OR4K1: variants seen among roughly 807,000 people sequenced by gnomAD.
OR4K1 encodes olfactory receptor 4K1.
OR4K1 carries 16 observed loss-of-function variants against 14.4 expected under a neutral mutation model. That is an observed-to-expected ratio of 1.11 (90% CI 0.75 to 1.68). OR4K1 has a LOEUF of 1.68. Ranked by LOEUF, OR4K1 falls within the 40% of genes most tolerant of loss-of-function variation. OR4K1 has a pLI of 0.00. For synonymous variants in OR4K1, 181 were observed against 133.1 expected, an observed-to-expected ratio of 1.36 and a Z score of -2.48; for missense variants, 548 against 376.9, an observed-to-expected ratio of 1.45 and a Z score of -3.76.
intron 1 of OR4K1, among the ~76,000 whole-genome samples, chr14:19,932,966 A>ACACTTATAAATATATATTTATAG (rs1566501759): frequency 9.1e-6 from 1 of 109,808 alleles, no homozygotes; most frequent in African/African-American, 3.1e-5. Context: ...AATATTTATA[A>ACACTTATAAATATATATTTATAG]CACTTATAAA....
At chr14:19,926,635 G>A (rs567226238), upstream of OR4K1, among the ~76,000 whole-genome samples, 9 of 152,300 alleles carry the variant, frequency 5.9e-5, no homozygotes, top group African/African-American at 2.2e-4. Flanking sequence ...GTTATAGGCA[G>A]CATAAAAACT....
Position 19,934,657 on chromosome 14 carries a change from C to G in OR4K1, c.-19-991C>G, listed in dbSNP as rs184823475. On this transcript the variant is annotated intron_variant, in intron 1 of 1. Coordinates refer to ENST00000641172, the MANE Select transcript of OR4K1 (RefSeq NM_001004063.3). ...CAAATTGTTTCTATCATTTTCTTTT[C>G]TTTTTTCTTCTTTTAACATTTTTTT... Among the ~76,000 whole-genome samples the G allele has an allele frequency of 3.5e-3, 529 of 151,162 alleles. 2 individuals carry two copies. Among genetic ancestry groups the G allele is most frequent in the African/African-American group, 0.012 (490 of 40,942 alleles).
At chr14:19,922,571 C>G in the OR4K1 span, among the ~76,000 whole-genome samples, 12 of 150,788 alleles carry the variant, frequency 8.0e-5, no homozygotes, top group East Asian at 2.3e-3. Flanking sequence ...TTTGGTTTCT[C>G]TCCTTTAGGC....
At chr14:19,926,262 A>G (rs575534434), upstream of OR4K1, among the ~76,000 whole-genome samples, 8 of 152,244 alleles carry the variant, frequency 5.3e-5, no homozygotes, top group Non-Finnish European at 1.0e-4. Flanking sequence ...CTCACCCTTA[A>G]AAAGTCACAT....
chr14:19,921,429 T>C, the OR4K1 span: 57 of 1,614,068 alleles, frequency 3.5e-5, no homozygotes, highest in Non-Finnish European at 4.7e-5. Context: ...TGCCATATTT[T>C]ACACTGTTTT....
the OR4K1 span, among the ~76,000 whole-genome samples, chr14:19,923,964 A>G: frequency 3.3e-5 from 5 of 152,238 alleles, no homozygotes; most frequent in African/African-American, 9.6e-5. Context: ...ACTTTTAAGT[A>G]TTTTGAAGGT....
At chr14:19,924,044 A>C in the OR4K1 span, among the ~76,000 whole-genome samples, 14 of 152,388 alleles carry the variant, frequency 9.2e-5, no homozygotes, top group East Asian at 7.7e-4. Flanking sequence ...AATAAAAAAA[A>C]GTCAGTAGCT....
At chr14:19,930,391 G>A (rs892521407), upstream of OR4K1, among the ~76,000 whole-genome samples, 1 of 152,210 alleles carries the variant, frequency 6.6e-6, no homozygotes, top group Non-Finnish European at 1.5e-5. Flanking sequence ...GAAAAAGACT[G>A]TTGATGTATT....
chr14:19,921,129 G>C, the OR4K1 span: 1 of 1,614,164 alleles, frequency 6.2e-7, no homozygotes, highest in Non-Finnish European at 8.5e-7. Flanking sequence ...TAATGTAGTA[G>C]ACAGCTTTTT....
chr14:19,923,421 T>C, the OR4K1 span, among the ~76,000 whole-genome samples: 1 of 152,252 alleles, frequency 6.6e-6, no homozygotes, highest in Non-Finnish European at 1.5e-5. Flanking sequence ...TACAACCAGC[T>C]CGTCAGATTT....
intron 1 of OR4K1, among the ~76,000 whole-genome samples, chr14:19,934,802 G>T (rs988963161): frequency 1.3e-5 from 2 of 152,096 alleles, no homozygotes; most frequent in Admixed American, 6.5e-5. Flanking sequence ...TCCCAAGTAG[G>T]GGGGAATACA....
chr14:19,925,664 G>T, the OR4K1 span, among the ~76,000 whole-genome samples: 56 of 152,378 alleles, frequency 3.7e-4, 1 homozygote, highest in African/African-American at 1.3e-3. Context: ...CAGTCCTTCT[G>T]ACAAGGAACA....
the OR4K1 span, among the ~76,000 whole-genome samples, chr14:19,923,243 A>T: frequency 3.9e-5 from 6 of 152,106 alleles, no homozygotes; most frequent in Non-Finnish European, 8.8e-5. Context: ...TTGTTACTAG[A>T]CTCTATTCTG....
upstream of OR4K1, among the ~76,000 whole-genome samples, chr14:19,927,795 CCT>C (rs1882093223): frequency 6.6e-6 from 1 of 152,192 alleles, no homozygotes; most frequent in African/African-American, 2.4e-5. Context: ...GTGAGTTTTC[CCT>C]CTCTACCTGT....
chr14:19,934,688 G>A (rs1190577167), intron 1 of OR4K1, among the ~76,000 whole-genome samples: 1 of 129,934 alleles, frequency 7.7e-6, no homozygotes, highest in Admixed American at 7.8e-5. Context: ...TTTTTTTTTT[G>A]AGACAGAGTT....
chr14:19,927,798 C>A (rs1489697912), upstream of OR4K1, among the ~76,000 whole-genome samples: 1 of 152,244 alleles, frequency 6.6e-6, no homozygotes. Context: ...AGTTTTCCCT[C>A]TCTACCTGTA....
In OR4K1 at chr14:19,936,586, A is replaced by T. The variant is rs1252543973; in HGVS notation, c.920A>T (p.Asn307Ile). The T allele has an allele frequency of 1.2e-6, 2 of 1,600,140 alleles. No homozygotes were observed. The highest frequency in any genetic ancestry group is 1.7e-6 in the Non-Finnish European group (2 of 1,174,470). ...AMWKLRNRHV[N>I]SWKN ...TGGAAGCTGAGAAACCGTCATGTGA[A>T]CTCCTGGAAAAACTAGGGATCATTA... Residue 307 changes from asparagine (N) to isoleucine (I), a missense_variant, in exon 2 of 2, where the codon AAC becomes ATC. Coordinates refer to ENST00000641172, the MANE Select transcript of OR4K1 (RefSeq NM_001004063.3).
chr14:19,931,863 T>C (rs1461045635), intron 1 of OR4K1, among the ~76,000 whole-genome samples: 3 of 152,270 alleles, frequency 2.0e-5, no homozygotes, highest in African/African-American at 2.4e-5. Flanking sequence ...TGCTAACTTT[T>C]ATAAACTCCA....
chr14:19,936,279 C>T lies in OR4K1; in HGVS notation c.613C>T (p.Leu205=). 1.2e-6 allele frequency: 2 copies of T among 1,614,238 alleles called. No homozygotes were observed. Among genetic ancestry groups the T allele is most frequent in the Non-Finnish European group, 1.7e-6 (2 of 1,180,040 alleles). ...MEIMTLTNSG[L]ISLSCFLALI... is the part of the protein sequence containing the mutation. ...AATTATGACCCTAACGAACAGTGGC[C>T]TGATATCATTGAGCTGTTTCCTGGC... The change falls in exon 2 of 2, where the codon CTG becomes TTG. Residue 205 remains leucine (L), a synonymous_variant. Coordinates refer to ENST00000641172, the MANE Select transcript of OR4K1 (RefSeq NM_001004063.3).
Sources: gnomAD v4.1 joint callset for allele counts (sites outside exome capture counted in the v4.1 genomes callset) on GRCh38, gnomAD v4.1.1 for gene constraint, MANE v1.5 for transcripts, NCBI Gene and HGNC (gene_info 2026-07-23, HGNC 2026-07-21) for gene names.